The following ZAN variants were observed in gnomAD, a reference collection of about 807,000 sequenced individuals.
ZAN encodes the protein zonadhesin, also known as zonadhesin (gene/pseudogene).
Under a neutral mutation model 286.2 loss-of-function variants are expected in ZAN, and 260 were observed. That is an observed-to-expected ratio of 0.91 (90% CI 0.82 to 1.01). The LOEUF (loss-of-function observed/expected upper bound fraction) is 1.01, where lower values mean the gene tolerates loss of function less well. ZAN is among the 50% of genes least tolerant of loss of function. The pLI, the probability that ZAN is intolerant of heterozygous loss-of-function variation, is 0.00. For synonymous variants in ZAN, 1,368 were observed against 1,417.5 expected, an observed-to-expected ratio of 0.97 and a Z score of 0.79; for missense variants, 3,410 against 3,639.2, an observed-to-expected ratio of 0.94 and a Z score of 1.62.
chr7:100,753,981 G>A (rs1455002257), intron 14 of ZAN, among the ~76,000 whole-genome samples: 2 of 151,372 alleles, frequency 1.3e-5, no homozygotes, highest in African/African-American at 4.9e-5. Flanking sequence ...TCCCCACTCC[G>A]CCTTCCCCCA....
At chr7:100,756,012 C>T (rs768244734) in intron 15 of ZAN, among the ~76,000 whole-genome samples, 32 of 152,268 alleles carry the variant, frequency 2.1e-4, no homozygotes, top group African/African-American at 2.9e-4. Context: ...GCCTCAGCCC[C>T]GCAAGTAGCT....
chr7:100,796,612 C>T (rs1277123766), intron 45 of ZAN, among the ~76,000 whole-genome samples: 8 of 152,104 alleles, frequency 5.3e-5, no homozygotes, highest in Non-Finnish European at 1.0e-4. Flanking sequence ...GATGGGGTTT[C>T]GCCATGTTGG....
chr7:100,762,129 C>T (rs921746744), intron 19 of ZAN, 86 bp from the exon 20 acceptor site: 1 of 1,562,326 alleles, frequency 6.4e-7, no homozygotes, highest in South Asian at 1.1e-5. Flanking sequence ...TTTTAGGATC[C>T]CAGCTCCTTG....
intron 37 of ZAN, 83 bp downstream of exon 37, chr7:100,786,224 G>T: frequency 4.5e-6 from 7 of 1,572,946 alleles, no homozygotes; most frequent in Non-Finnish European, 6.0e-6. Context: ...GTGGGAAGGG[G>T]CTTAGCCTGA....
intron 34 of ZAN, among the ~76,000 whole-genome samples, chr7:100,779,165 T>G (rs1420395278): frequency 6.7e-6 from 1 of 149,318 alleles, no homozygotes; most frequent in Non-Finnish European, 1.5e-5. Context: ...ATTGCACTAC[T>G]GCACTCCAGC....
At chr7:100,740,177 A>G (rs542584630) in intron 7 of ZAN, among the ~76,000 whole-genome samples, 2 of 141,352 alleles carry the variant, frequency 1.4e-5, no homozygotes, top group African/African-American at 5.2e-5. Context: ...TGAGATCCAC[A>G]GGAGCGGCAG....
At chr7:100,790,178 C>T (rs563696100) in intron 39 of ZAN, among the ~76,000 whole-genome samples, 14 of 152,182 alleles carry the variant, frequency 9.2e-5, no homozygotes, top group Admixed American at 2.6e-4. Flanking sequence ...GAGAGAGGAT[C>T]GCTTGAGCCC....
At chr7:100,760,859 G>A (rs1488918666) in intron 19 of ZAN, among the ~76,000 whole-genome samples, 1 of 152,070 alleles carries the variant, frequency 6.6e-6, no homozygotes, top group African/African-American at 2.4e-5. Flanking sequence ...AGGAAGAGTG[G>A]CTCCCCAGAT....
At chr7:100,796,364 C>T (rs1222318095) in intron 45 of ZAN, among the ~76,000 whole-genome samples, 1 of 151,590 alleles carries the variant, frequency 6.6e-6, no homozygotes, top group East Asian at 1.9e-4. Context: ...CATGTATATT[C>T]CAGGACACAC....
rs1350795705 is a variant in ZAN, at chr7:100,767,218, T to G, written c.4821T>G (p.Phe1607Leu). ...SYIKAVHVTVFDLSISLLRGC... is the reference protein window; with the variant it reads ...SYIKAVHVTVLDLSISLLRGC... Reference sequence around the variant, plus strand: ...TCAAAGCCGTCCACGTGACAGTCTTTGACCTCAGCATCTCACTGCTCAGAG... The same window carrying G: ...TCAAAGCCGTCCACGTGACAGTCTTGGACCTCAGCATCTCACTGCTCAGAG... The change falls in exon 25 of 48, where the codon TTT becomes TTG. Residue 1607 changes from phenylalanine (F) to leucine (L), a missense_variant. Physicochemically the swap from Phe to Leu is conservative, Grantham distance 22. Coordinates refer to ENST00000613979, the MANE Select transcript of ZAN (RefSeq NM_003386.3). The G allele has an allele frequency of 6.2e-7, 1 of 1,612,842 alleles. No individual in the cohort carries two copies. The highest frequency in any genetic ancestry group is 1.3e-5 in the African/African-American group (1 of 74,870).
In ZAN at chr7:100,773,707, C is replaced by A; in HGVS notation, c.5635-14C>A. On this transcript the variant is annotated splice_polypyrimidine_tract_variant and intron_variant, in intron 30 of 47. Coordinates refer to ENST00000613979, the MANE Select transcript of ZAN (RefSeq NM_003386.3). ...CAACTTTCTGTTGGCTCAGCTGATC[C>A]CTGTGGCCCACAGGTCGGGGAGCGC... is the stretch of plus-strand genomic sequence containing the variant. 6.2e-7 allele frequency: 1 copy of A among 1,604,706 alleles called. No homozygotes were observed. Among genetic ancestry groups the A allele is most frequent in the East Asian group, 2.2e-5 (1 of 44,574 alleles).
intron 44 of ZAN, 59 bp downstream of exon 44, chr7:100,794,317 C>T: frequency 6.5e-7 from 1 of 1,531,210 alleles, no homozygotes; most frequent in South Asian, 1.3e-5. Flanking sequence ...GTCCATGGAC[C>T]AAGGATCGTC....
rs1265533961 is a variant in ZAN at position 100,794,120 on chromosome 7, C to G, written c.7987C>G (p.Leu2663Val). Residue 2663 changes from leucine (L) to valine (V), a missense_variant and splice_region_variant, in exon 44 of 48, where the codon CTG (leucine) becomes GTG (valine). Coordinates refer to ENST00000613979, the MANE Select transcript of ZAN (RefSeq NM_003386.3). ...TCCTCCTGGCCCTTCCCCTTTCTAG[C>G]TGGGCAGCAGCTTTCTGACTGAGGA... ...GCTSNGIYYQ[L>V]GSSFLTEDCS... is the part of the protein sequence containing the mutation. The G allele has an allele frequency of 6.2e-7, 1 of 1,614,030 alleles. No individual in the cohort carries two copies. The highest frequency in any genetic ancestry group is 2.2e-5 in the East Asian group (1 of 44,884).
intron 34 of ZAN, 133 bp from the exon 35 acceptor site, chr7:100,779,312 AG>A: frequency 1.2e-6 from 1 of 859,270 alleles, no homozygotes; most frequent in South Asian, 1.8e-5. Flanking sequence ...GGGAAGGCAG[AG>A]GTTGCAGTGA....
At chr7:100,737,750 G>A (rs1377294438) in intron 6 of ZAN, among the ~76,000 whole-genome samples, 3 of 137,800 alleles carry the variant, frequency 2.2e-5, no homozygotes, top group East Asian at 4.2e-4. Context: ...GGAGCTGGCT[G>A]TATTGGGTCT....
chr7:100,783,129 G>A (rs74867830), intron 35 of ZAN, among the ~76,000 whole-genome samples: 3,120 of 151,820 alleles, frequency 0.021, 347 homozygotes, highest in Admixed American at 0.17. Context: ...ATAGCTGGGC[G>A]TGCTAGTATG....
chr7:100,752,641 C>A lies in ZAN; in HGVS notation c.2536C>A (p.Pro846Thr). The A allele has an allele frequency of 4.3e-6, 7 of 1,610,554 alleles. No homozygotes were observed. Among genetic ancestry groups the A allele is most frequent in the Non-Finnish European group, 5.9e-6 (7 of 1,179,012 alleles). ...CATCTCTACAGAAAAACTCACCATC[C>A]CCATGGAAAAACCCACCATCTCCAC... ...TTISTEKLTI[P>T]MEKPTISTEK... Residue 846 changes from proline to threonine, a missense_variant, in exon 14 of 48, where the codon CCC becomes ACC. Coordinates refer to ENST00000613979, the MANE Select transcript of ZAN (RefSeq NM_003386.3).
Position 100,752,064 on chromosome 7 carries a change from A to C in ZAN, c.1959A>C (p.Lys653Asn), listed in dbSNP as rs13241022. Residue 653 changes from lysine to asparagine, a missense_variant, in exon 14 of 48, where the codon AAA becomes AAC. This residue lies in a region of ZAN where 872 missense variants were observed against 938.9 expected (regional missense o/e 0.93). Coordinates refer to ENST00000613979, the MANE Select transcript of ZAN (RefSeq NM_003386.3). Reference sequence around the variant, plus strand: ...AAAAACCCACCATTTCCACAGAAAAACCCACCGTCCCCACAGAAGAGCCCA... The same window carrying C: ...AAAAACCCACCATTTCCACAGAAAACCCCACCGTCCCCACAGAAGAGCCCA... ...PSEKPTISTE[K>N]PTVPTEEPTT... is the part of the protein sequence containing the mutation. The C allele has an allele frequency of 3.1e-6, 5 of 1,612,462 alleles. No individual in the cohort carries two copies. In the Admixed American group the frequency reaches 6.7e-5, roughly 22 times the overall value.
chr7:100,761,452 C>T (rs1234335220), intron 19 of ZAN, among the ~76,000 whole-genome samples: 2 of 151,950 alleles, frequency 1.3e-5, no homozygotes, highest in African/African-American at 4.8e-5. Flanking sequence ...CCAGCCTGGA[C>T]AACATAGTGA....
Sources: gnomAD v4.1 joint callset for allele counts (sites outside exome capture counted in the v4.1 genomes callset) on GRCh38, gnomAD v4.1.1 for gene constraint, gnomAD v4.1.1 regional missense constraint, MANE v1.5 for transcripts, NCBI Gene and HGNC (gene_info 2026-07-23, HGNC 2026-07-21) for gene names.